OGA: variants seen among roughly 807,000 people sequenced by gnomAD.
OGA encodes protein O-GlcNAcase.
In OGA, 21 loss-of-function variants were observed where a neutral mutation model predicts 102.0. The ratio of observed to expected loss-of-function variants is 0.21; its 90% CI spans 0.15 to 0.30. The LOEUF is 0.30. Among genes scored for constraint, OGA ranks in the 10% least tolerant of loss-of-function variants. OGA has a pLI of 1.00. For missense variants in OGA, 765 were observed against 1,107.8 expected (o/e 0.69, Z 4.39); for synonymous variants, 408 against 378.2 (o/e 1.08, Z -0.91).
chr10:101,793,246 T>G (rs532972260), intron 11 of OGA, among the ~76,000 whole-genome samples: 10 of 152,328 alleles, frequency 6.6e-5, no homozygotes, highest in Admixed American at 5.2e-4. Flanking sequence ...ATCTATTTTT[T>G]TTTAAAACCT....
At chr10:101,786,886 G>A (rs2065195909) in intron 15 of OGA, among the ~76,000 whole-genome samples, 1 of 152,192 alleles carries the variant, frequency 6.6e-6, no homozygotes, top group Non-Finnish European at 1.5e-5. Flanking sequence ...TCCTGCCTCA[G>A]CCTCCCGAGT....
At chr10:101,797,808 T>C in intron 10 of OGA, 172 bp downstream of exon 10, 1 of 637,176 alleles carries the variant, frequency 1.6e-6, no homozygotes, top group Admixed American at 2.9e-5. Flanking sequence ...ATGTATTTAC[T>C]AAGACTTGCA....
intron 1 of OGA, among the ~76,000 whole-genome samples, chr10:101,816,077 G>A (rs879238735): frequency 2.0e-5 from 3 of 147,134 alleles, no homozygotes; most frequent in Non-Finnish European, 4.5e-5. Flanking sequence ...GTGGAAACCT[G>A]CCTGGGCAAC....
At chr10:101,796,226 A>C (rs1320452156) in intron 10 of OGA, among the ~76,000 whole-genome samples, 1 of 152,130 alleles carries the variant, frequency 6.6e-6, no homozygotes, top group Non-Finnish European at 1.5e-5. Flanking sequence ...CTTGAGCCTA[A>C]GGGTAGATGT....
At chr10:101,801,754 G>A (rs1489339680) in intron 7 of OGA, among the ~76,000 whole-genome samples, 1 of 152,156 alleles carries the variant, frequency 6.6e-6, no homozygotes, top group Non-Finnish European at 1.5e-5. Flanking sequence ...TCAAAGCAGA[G>A]GTATGGAATT....
At chr10:101,804,781 A>G (rs747649872) in intron 6 of OGA, among the ~76,000 whole-genome samples, 1 of 151,460 alleles carries the variant, frequency 6.6e-6, no homozygotes, top group Non-Finnish European at 1.5e-5. Context: ...TGTACAGATA[A>G]GGGCTTGCTA....
In OGA at chr10:101,786,636, A is replaced by G. The variant is rs191517666; in HGVS notation, c.2615-49T>C. ...AACATAAATAAGTCACTTAATTAGT[A>G]TAATTATAGATATAAAACTATAATC... On this transcript the variant is annotated intron_variant, in intron 15 of 15. Transcript: ENST00000361464. 372 of 1,383,602 alleles carry G rather than the reference A, an allele frequency of 2.7e-4. 2 individuals are homozygous for G. The African/African-American group carries it at 3.9e-3, about 15-fold the overall frequency. The allele number at this position is 1,383,602 out of a possible 1,614,324, so 85.7% of individuals were successfully genotyped here.
At chr10:101,789,007 TTA>T (rs1343696074) in intron 14 of OGA, among the ~76,000 whole-genome samples, 2 of 152,224 alleles carry the variant, frequency 1.3e-5, no homozygotes, top group African/African-American at 4.8e-5. Context: ...TGTGCAAATT[TTA>T]TGTTATTTAT....
intron 9 of OGA, 79 bp from the exon 10 acceptor site, chr10:101,798,233 CTTATG>C (rs1370151737): frequency 4.4e-6 from 6 of 1,359,384 alleles, no homozygotes; most frequent in Non-Finnish European, 6.1e-6. Flanking sequence ...CATTAAGCTG[CTTATG>C]TTGTCAGGTA....
intron 10 of OGA, 113 bp downstream of exon 10, chr10:101,797,867 A>ATT (rs2065335530): frequency 9.3e-7 from 1 of 1,074,984 alleles, no homozygotes; most frequent in African/African-American, 1.6e-5. Flanking sequence ...TAGGCAACGA[A>ATT]TTGAAGAGAC....
At chr10:101,810,360 A>T (rs746274579) in intron 3 of OGA, 46 bp from the exon 4 acceptor site, 1 of 1,536,052 alleles carries the variant, frequency 6.5e-7, no homozygotes, top group Admixed American at 2.0e-5. Context: ...CAGAAAACTA[A>T]AAGAACCTTC....
chr10:101,792,934 G>T lies in OGA; in HGVS notation c.2080C>A (p.Pro694Thr). 1 of 1,613,228 alleles carries T rather than the reference G, an allele frequency of 6.2e-7. No homozygotes were observed. Among genetic ancestry groups the T allele is most frequent in the Non-Finnish European group, 8.5e-7 (1 of 1,179,238 alleles). Reference sequence around the variant, plus strand: ...AAGAGATCATTTGCCCCATCAATTGGCAGCAAACGCTGTGGGAAGAAAAAA... The same window carrying T: ...AAGAGATCATTTGCCCCATCAATTGTCAGCAAACGCTGTGGGAAGAAAAAA... ...GLAGEFQRLL[P>T]IDGANDLFFQ... Residue 694 changes from proline (P) to threonine (T), a missense_variant, in exon 12 of 16, where the codon CCA (proline) becomes ACA (threonine). Physicochemically the swap from Pro to Thr is conservative, Grantham distance 38 (BLOSUM62 -1). Around this residue, in one of 7 missense-constraint regions of OGA, gnomAD observed 146 missense variants for 269.7 expected, o/e 0.54. Coordinates refer to ENST00000361464, the MANE Select transcript of OGA (RefSeq NM_012215.5).
rs552145548 is a variant in OGA at position 101,805,751 on chromosome 10, C to A, written c.751+294G>T. 2.0e-5 allele frequency among the ~76,000 whole-genome samples: 3 copies of A among 149,156 alleles called. No homozygotes were observed. In the South Asian group the frequency reaches 6.4e-4, roughly 32 times the overall value. ...CGGGTGGATCACGAGGTCAGGAGAT[C>A]GAGACCATCCTGGCTAACATGGTGA... On this transcript the variant is annotated intron_variant, in intron 6 of 15. Coordinates refer to ENST00000361464, the MANE Select transcript of OGA (RefSeq NM_012215.5).
rs1467949895 is a variant in OGA at position 101,818,228 on chromosome 10, G to C, written c.-206C>G. ...GCGGCGGCACCGGCGCGAGCCCTTT[G>C]TCAGCCGCAGCCTCGGCTTTAAGCT... is the stretch of plus-strand genomic sequence containing the variant. On this transcript the variant is annotated 5_prime_UTR_variant, in exon 1 of 16. Coordinates refer to ENST00000361464, the MANE Select transcript of OGA (RefSeq NM_012215.5). 1 of 1,341,770 alleles carries C rather than the reference G, an allele frequency of 7.5e-7. No homozygotes were observed. The highest frequency in any genetic ancestry group is 9.5e-7 in the Non-Finnish European group (1 of 1,050,262). 83.1% of individuals were successfully genotyped at this position (1,341,770 alleles called of 1,614,324 possible). A position where few individuals can be genotyped will look rare whatever the true frequency, so the allele number is the denominator to read the frequency against.
rs531419443 is a variant in OGA, at chr10:101,805,771, T to C, written c.751+274A>G. ...GAGATCGAGACCATCCTGGCTAACA[T>C]GGTGAAACCCTGTCTCTACTAAAAA... On this transcript the variant is annotated intron_variant, in intron 6 of 15. Coordinates refer to ENST00000361464, the MANE Select transcript of OGA (RefSeq NM_012215.5). Among the ~76,000 whole-genome samples the C allele has an allele frequency of 9.4e-5, 14 of 149,202 alleles. No individual in the cohort carries two copies. The East Asian group carries it at 1.0e-3, about 11-fold the overall frequency.
chr10:101,796,871 T>C lies in OGA; in HGVS notation c.1984+1109A>G, dbSNP rs552188912. On this transcript the variant is annotated intron_variant, in intron 10 of 15. Coordinates refer to ENST00000361464, the MANE Select transcript of OGA (RefSeq NM_012215.5). ...ACCAAGAGCGCTGGGATTACAGGGG[T>C]GAGCAACCGCGCCCGAAGCTATACA... 1.9e-3 allele frequency among the ~76,000 whole-genome samples: 285 copies of C among 151,754 alleles called. 2 individuals carry two copies. The highest frequency in any genetic ancestry group is 3.6e-3 in the Non-Finnish European group (242 of 67,866).
rs916139591 is a variant in OGA, at chr10:101,818,199, A to T, written c.-177T>A. On this transcript the variant is annotated 5_prime_UTR_variant, in exon 1 of 16. Transcript: ENST00000361464. Reference sequence around the variant, plus strand: ...GCAGGGACCCGAATGCCCGGATGAGAAGGGCGGCGGCACCGGCGCGAGCCC... The same window carrying T: ...GCAGGGACCCGAATGCCCGGATGAGTAGGGCGGCGGCACCGGCGCGAGCCC... 7.4e-7 allele frequency: 1 copy of T among 1,349,112 alleles called. No individual in the cohort carries two copies. The highest frequency in any genetic ancestry group is 9.5e-7 in the Non-Finnish European group (1 of 1,054,238). The allele number at this position is 1,349,112 out of a possible 1,614,324, so 83.6% of individuals were successfully genotyped here. A position where few individuals can be genotyped will look rare whatever the true frequency, so the allele number is the denominator to read the frequency against.
chr10:101,799,593 C>T (rs1589830227), intron 8 of OGA, 138 bp from the exon 9 acceptor site: 2 of 937,142 alleles, frequency 2.1e-6, no homozygotes, highest in Non-Finnish European at 3.1e-6. Context: ...TTAATTTGAC[C>T]TCTAAGAAAA....
intron 2 of OGA, 42 bp downstream of exon 2, chr10:101,813,513 A>G: frequency 2.5e-6 from 3 of 1,222,134 alleles, no homozygotes; most frequent in Non-Finnish European, 3.5e-6. Context: ...AAATGTTAAG[A>G]GTTTAAGGTT....
Sources: gnomAD v4.1 joint callset for allele counts (sites outside exome capture counted in the v4.1 genomes callset) on GRCh38, gnomAD v4.1.1 for gene constraint, gnomAD v4.1.1 regional missense constraint, MANE v1.5 for transcripts, NCBI Gene and HGNC (gene_info 2026-07-23, HGNC 2026-07-21) for gene names.